Variants in BCL11A observed in about 807,000 individuals in gnomAD.
BCL11A encodes B cell CLL/lymphoma 11A.
In BCL11A, 2 loss-of-function variants were observed where a neutral mutation model predicts 55.9. The observed-to-expected ratio is 0.04, with a 90% CI of 0.01 to 0.11. BCL11A has a LOEUF of 0.11. Among genes scored for constraint, BCL11A ranks in the 10% least tolerant of loss-of-function variants. The probability of loss-of-function intolerance (pLI) is 1.00; values close to 1 mark genes in which losing one functional copy is unlikely to be tolerated. For synonymous variants in BCL11A, 465 were observed against 473.4 expected (o/e 0.98, Z 0.23); for missense variants, 817 against 1,137.1 (o/e 0.72, Z 4.05).
intron 2 of BCL11A, among the ~76,000 whole-genome samples, chr2:60,507,114 A>C (rs533274234): frequency 7.2e-5 from 11 of 152,062 alleles, no homozygotes; most frequent in African/African-American, 2.4e-4. Flanking sequence ...GTCATAAACA[A>C]GCACTATTAA....
At chr2:60,477,890 G>T (rs1677712250) in intron 2 of BCL11A, among the ~76,000 whole-genome samples, 1 of 152,164 alleles carries the variant, frequency 6.6e-6, no homozygotes, top group Non-Finnish European at 1.5e-5. Flanking sequence ...AACAAGCCCA[G>T]AGGAGGGCAA....
downstream of BCL11A, among the ~76,000 whole-genome samples, chr2:60,456,809 A>C (rs1031452076): frequency 7.2e-5 from 11 of 152,332 alleles, no homozygotes; most frequent in South Asian, 2.3e-3. Context: ...GGATGGGAGA[A>C]TAGAAAAGAA....
chr2:60,529,705 T>C (rs1360180910), intron 2 of BCL11A, among the ~76,000 whole-genome samples: 1 of 152,228 alleles, frequency 6.6e-6, no homozygotes, highest in African/African-American at 2.4e-5. Flanking sequence ...AAGGAAATCC[T>C]GCCTCCCTTA....
intron 2 of BCL11A, among the ~76,000 whole-genome samples, chr2:60,509,992 C>T (rs980618633): frequency 2.6e-5 from 4 of 152,176 alleles, no homozygotes; most frequent in African/African-American, 9.7e-5. Flanking sequence ...TTCATACAAC[C>T]CATCCCACCA....
intron 1 of BCL11A, among the ~76,000 whole-genome samples, chr2:60,551,112 A>G (rs556491601): frequency 6.6e-6 from 1 of 152,308 alleles, no homozygotes; most frequent in East Asian, 1.9e-4. Flanking sequence ...CACAGAACCA[A>G]GTATAGGTGG....
chr2:60,546,448 A>C lies in BCL11A; in HGVS notation c.56-148T>G. On this transcript the variant is annotated intron_variant, in intron 1 of 3. Transcript: ENST00000642384. This position sits in a 1 kb window ranked among gnomAD's most constrained non-coding sequence, Gnocchi z 4.1. Reference sequence around the variant, plus strand: ...TAATACCCAGAAAATGTGAGCATACAAAAAGTACAAGGATGTGAAGGTTAT... The same window carrying C: ...TAATACCCAGAAAATGTGAGCATACCAAAAGTACAAGGATGTGAAGGTTAT... The C allele has an allele frequency of 2.9e-6, 2 of 698,012 alleles. No individual in the cohort carries two copies. The highest frequency in any genetic ancestry group is 3.9e-5 in the South Asian group (2 of 51,150). 43.2% of individuals were successfully genotyped at this position (698,012 alleles called of 1,614,324 possible).
intron 3 of BCL11A, among the ~76,000 whole-genome samples, chr2:60,467,184 T>G (rs1417291872): frequency 7.0e-6 from 1 of 142,554 alleles, no homozygotes; most frequent in Admixed American, 6.9e-5. Flanking sequence ...GTGGTGGTGG[T>G]GGTGATGGTG....
At chr2:60,518,888 G>C (rs189797332) in intron 2 of BCL11A, among the ~76,000 whole-genome samples, 3 of 152,314 alleles carry the variant, frequency 2.0e-5, no homozygotes, top group African/African-American at 7.2e-5. Flanking sequence ...ACCACCAGCC[G>C]TATTTCCTGG....
chr2:60,530,625 G>C (rs1361448097), intron 2 of BCL11A, among the ~76,000 whole-genome samples: 1 of 146,324 alleles, frequency 6.8e-6, no homozygotes, highest in Non-Finnish European at 1.5e-5. Context: ...TTATTTTTTT[G>C]CCTTTAGCCA....
intron 2 of BCL11A, among the ~76,000 whole-genome samples, chr2:60,529,093 C>T (rs1219277233): frequency 6.6e-6 from 1 of 152,210 alleles, no homozygotes; most frequent in Non-Finnish European, 1.5e-5. Flanking sequence ...GGAGCTGCCA[C>T]CAGAAACATA....
At position 60,461,825 on chromosome 2, in the gene BCL11A, G is replaced by A. The variant is rs1558613554; in HGVS notation, c.1087C>T (p.Leu363=). The A allele has an allele frequency of 6.2e-7, 1 of 1,608,280 alleles. No individual in the cohort carries two copies. Among genetic ancestry groups the A allele is most frequent in the Non-Finnish European group, 8.5e-7 (1 of 1,175,488 alleles). Reference sequence around the variant, plus strand: ...TGGGAGGGAGGAGGGGCGGATTGCAGAGGAGGGAGGGGGGGCGTCGCCAGG... The same window carrying A: ...TGGGAGGGAGGAGGGGCGGATTGCAAAGGAGGGAGGGGGGGCGTCGCCAGG... ...PFLATPPLPP[L]QSAPPPSQPP... is the part of the protein sequence containing the mutation. Residue 363 remains leucine, a synonymous_variant, in exon 4 of 4, where the codon CTG becomes TTG. Coordinates refer to ENST00000642384, the MANE Select transcript of BCL11A (RefSeq NM_022893.4).
chr2:60,507,073 T>G (rs1049447252), intron 2 of BCL11A, among the ~76,000 whole-genome samples: 5 of 151,990 alleles, frequency 3.3e-5, no homozygotes, highest in African/African-American at 1.2e-4. Context: ...CTAACTCTAA[T>G]TTTTGTTCTG....
intron 2 of BCL11A, among the ~76,000 whole-genome samples, chr2:60,497,041 C>T: frequency 6.6e-6 from 1 of 152,224 alleles, no homozygotes; most frequent in Non-Finnish European, 1.5e-5. Flanking sequence ...GAAGCAAGAT[C>T]TCTACTCCTC....
chr2:60,523,397 T>C (rs971031067), intron 2 of BCL11A, among the ~76,000 whole-genome samples: 3 of 152,206 alleles, frequency 2.0e-5, no homozygotes, highest in Non-Finnish European at 1.5e-5. Context: ...TTAAGTCAGA[T>C]TTTGATGAAA....
At position 60,459,767 on chromosome 2, in the gene BCL11A, T is replaced by G; in HGVS notation, c.*637A>C. ...CAAGGCCTTTTTTCTTCCTTTCCAA[T>G]TGATACATTTAACCCTTTAGAGACA... On this transcript the variant is annotated 3_prime_UTR_variant, in exon 4 of 4. Coordinates refer to ENST00000642384, the MANE Select transcript of BCL11A (RefSeq NM_022893.4). 9.6e-7 allele frequency: 1 copy of G among 1,040,910 alleles called. No homozygotes were observed. The allele number at this position is 1,040,910 out of a possible 1,614,324, so 64.5% of individuals were successfully genotyped here. A position where few individuals can be genotyped will look rare whatever the true frequency, so the allele number is the denominator to read the frequency against.
At chr2:60,538,770 TGTGTGTGTGTGTG>T (rs1558505514) in intron 2 of BCL11A, among the ~76,000 whole-genome samples, 17 of 151,738 alleles carry the variant, frequency 1.1e-4, no homozygotes, top group African/African-American at 4.1e-4. Context: ...TGTGTGTGTG[TGTGTGTGTGTGTG>T]TAATGGGGAA....
intron 2 of BCL11A, among the ~76,000 whole-genome samples, chr2:60,523,517 A>G (rs1669081279): frequency 6.6e-6 from 1 of 152,142 alleles, no homozygotes. Context: ...ACACACACAC[A>G]GGCACACAAC....
At chr2:60,543,012 A>G (rs914564407) in intron 2 of BCL11A, 25 of 151,102 alleles carry the variant, frequency 1.7e-4, no homozygotes, top group African/African-American at 5.6e-4. Context: ...CCTGGGCAAC[A>G]AGAGCAAAAC....
intron 2 of BCL11A, among the ~76,000 whole-genome samples, chr2:60,510,333 C>T (rs1261771710): frequency 6.6e-6 from 1 of 152,148 alleles, no homozygotes; most frequent in African/African-American, 2.4e-5. Flanking sequence ...CTTGCTCCTC[C>T]TCCAGTAGCC....
Sources: allele counts gnomAD v4.1 joint callset (sites outside exome capture counted in the v4.1 genomes callset), GRCh38; gene constraint gnomAD v4.1.1; non-coding constraint Gnocchi (gnomAD v3.1); transcripts MANE v1.5; gene names NCBI Gene and HGNC (gene_info 2026-07-23, HGNC 2026-07-21).